LGSN: variants seen among roughly 807,000 people sequenced by gnomAD.
LGSN encodes the protein lengsin.
LGSN carries 21 observed loss-of-function variants against 19.5 expected under a neutral mutation model. The observed-to-expected ratio is 1.07, with a 90% CI of 0.76 to 1.55. LGSN has a LOEUF of 1.55. Among genes scored for constraint, LGSN ranks in the 40% most tolerant of loss-of-function variants. The pLI is 0.00. For missense variants in LGSN, 673 were observed against 608.5 expected, an observed-to-expected ratio of 1.11 and a Z score of -1.12; for synonymous variants, 257 against 215.6, an observed-to-expected ratio of 1.19 and a Z score of -1.68.
chr6:63,363,027 G>A, the LGSN span, among the ~76,000 whole-genome samples: 2 of 152,178 alleles, frequency 1.3e-5, no homozygotes, highest in African/African-American at 2.4e-5. Context: ...AGCAATATTT[G>A]CCGTTCTGCA....
the LGSN span, among the ~76,000 whole-genome samples, chr6:63,515,743 G>A: frequency 6.6e-6 from 1 of 151,960 alleles, no homozygotes; most frequent in South Asian, 2.1e-4. Flanking sequence ...GAAGAGAGAA[G>A]AATCTAAACA....
At chr6:63,382,368 T>C in the LGSN span, among the ~76,000 whole-genome samples, 1 of 152,214 alleles carries the variant, frequency 6.6e-6, no homozygotes, top group East Asian at 1.9e-4. Flanking sequence ...ACCTCACCTG[T>C]CTTGCATTCT....
At chr6:63,329,637 G>A in the LGSN span, among the ~76,000 whole-genome samples, 1,548 of 152,194 alleles carry the variant, frequency 0.01, 25 homozygotes, top group African/African-American at 0.035. Context: ...TGGACTGGGC[G>A]GGCATTTTTT....
chr6:63,327,868 C>A, the LGSN span, among the ~76,000 whole-genome samples: 3 of 152,266 alleles, frequency 2.0e-5, no homozygotes, highest in East Asian at 5.8e-4. Context: ...CTGCTGTTCT[C>A]CCCTCTCCTT....
the LGSN span, among the ~76,000 whole-genome samples, chr6:63,534,098 C>T: frequency 1.3e-5 from 2 of 152,186 alleles, no homozygotes; most frequent in East Asian, 1.9e-4. Flanking sequence ...CCACCTTGAC[C>T]TATCAAAGTA....
At chr6:63,405,424 A>C in the LGSN span, among the ~76,000 whole-genome samples, 9 of 152,330 alleles carry the variant, frequency 5.9e-5, no homozygotes, top group Non-Finnish European at 1.3e-4. Flanking sequence ...TCGCACCAAC[A>C]GTGTAAAAGT....
chr6:63,465,579 C>T, the LGSN span, among the ~76,000 whole-genome samples: 1 of 152,104 alleles, frequency 6.6e-6, no homozygotes, highest in African/African-American at 2.4e-5. Context: ...TCAGTGAATA[C>T]AAAAATCCGG....
the LGSN span, among the ~76,000 whole-genome samples, chr6:63,376,939 A>C: frequency 6.6e-6 from 1 of 152,230 alleles, no homozygotes; most frequent in Non-Finnish European, 1.5e-5. Flanking sequence ...GCAGAACAAA[A>C]GAAAAATATA....
chr6:63,319,920 C>T lies in LGSN; in HGVS notation c.24G>A (p.Leu8=). Residue 8 remains leucine, a synonymous_variant, in exon 1 of 4, where the codon CTG becomes CTA. Coordinates refer to ENST00000370657, the MANE Select transcript of LGSN (RefSeq NM_016571.3). MNNEEDL[L]QEDSTRDEGN... ...TTAATGATTAGCTTCATACCTCCTG[C>T]AGAAGGTCCTCTTCATTATTCATCT... The T allele has an allele frequency of 6.2e-7, 1 of 1,609,606 alleles. No individual in the cohort carries two copies. The highest frequency in any genetic ancestry group is 8.5e-7 in the Non-Finnish European group (1 of 1,176,130).
chr6:63,530,713 G>A, the LGSN span, among the ~76,000 whole-genome samples: 1 of 152,064 alleles, frequency 6.6e-6, no homozygotes, highest in Non-Finnish European at 1.5e-5. Context: ...TGATCAGAAG[G>A]AAGTACATCA....
chr6:63,477,638 TCATCC>T, the LGSN span, among the ~76,000 whole-genome samples: 1 of 136,372 alleles, frequency 7.3e-6, no homozygotes, highest in African/African-American at 2.5e-5. Context: ...GTTTTGGTTT[TCATCC>T]TTTTTTTTTT....
the LGSN span, among the ~76,000 whole-genome samples, chr6:63,325,564 C>T: frequency 2.0e-5 from 3 of 152,240 alleles, no homozygotes; most frequent in South Asian, 4.1e-4. Flanking sequence ...CCTGAACAAA[C>T]CAATAATGAG....
chr6:63,506,832 G>T, the LGSN span, among the ~76,000 whole-genome samples: 1 of 152,186 alleles, frequency 6.6e-6, no homozygotes, highest in East Asian at 1.9e-4. Flanking sequence ...TGGTTAGGGA[G>T]TCTGGTTTGC....
the LGSN span, among the ~76,000 whole-genome samples, chr6:63,381,867 T>G: frequency 2.0e-5 from 3 of 152,186 alleles, no homozygotes; most frequent in Non-Finnish European, 4.4e-5. Flanking sequence ...CAGAAATGTC[T>G]CTCTGTCATT....
intron 1 of LGSN, among the ~76,000 whole-genome samples, chr6:63,300,171 C>A (rs1005043793): frequency 4.6e-5 from 7 of 152,286 alleles, no homozygotes; most frequent in Admixed American, 4.6e-4. Flanking sequence ...GCTGGCCATG[C>A]TGAGAGGGGT....
At chr6:63,393,447 A>C in the LGSN span, among the ~76,000 whole-genome samples, 1 of 151,784 alleles carries the variant, frequency 6.6e-6, no homozygotes, top group African/African-American at 2.4e-5. Flanking sequence ...CCAAAGTGCT[A>C]GGATTACAGG....
the LGSN span, among the ~76,000 whole-genome samples, chr6:63,374,448 T>A: frequency 6.6e-6 from 1 of 152,194 alleles, no homozygotes; most frequent in Non-Finnish European, 1.5e-5. Context: ...CCAGCAGCAA[T>A]TCTAAGATGT....
chr6:63,467,637 G>A, the LGSN span, among the ~76,000 whole-genome samples: 1 of 152,194 alleles, frequency 6.6e-6, no homozygotes, highest in Non-Finnish European at 1.5e-5. Flanking sequence ...TATAAGGACA[G>A]CAGGATACCA....
chr6:63,332,717 T>G, the LGSN span, among the ~76,000 whole-genome samples: 5,469 of 151,986 alleles, frequency 0.036, 328 homozygotes, highest in African/African-American at 0.13. Context: ...AGAAGAGCAA[T>G]CGAAAGGGGT....
Sources: gnomAD v4.1 joint callset for allele counts (sites outside exome capture counted in the v4.1 genomes callset) on GRCh38, gnomAD v4.1.1 for gene constraint, MANE v1.5 for transcripts, NCBI Gene and HGNC (gene_info 2026-07-23, HGNC 2026-07-21) for gene names.